Variants in ANO4 observed in about 807,000 individuals in gnomAD.
The protein encoded by ANO4 is anoctamin-4.
Under a neutral mutation model 141.9 loss-of-function variants are expected in ANO4, and 69 were observed. The ratio of observed to expected loss-of-function variants is 0.49; its 90% CI spans 0.40 to 0.59. The LOEUF is 0.59. ANO4 is among the 20% of genes least tolerant of loss of function. ANO4 has a pLI of 0.00. For synonymous variants in ANO4, 350 were observed against 394.3 expected (o/e 0.89, Z 1.33); for missense variants, 894 against 1,162.2 (o/e 0.77, Z 3.36).
At chr12:100,753,707 A>G (rs1241717722) in intron 3 of ANO4, among the ~76,000 whole-genome samples, 1 of 152,210 alleles carries the variant, frequency 6.6e-6, no homozygotes, top group Non-Finnish European at 1.5e-5. Flanking sequence ...TTATAGCATT[A>G]TACTATAGTA....
chr12:101,094,062 G>A (rs1036204527), intron 17 of ANO4, among the ~76,000 whole-genome samples, 194 bp from the exon 18 acceptor site: 11 of 152,040 alleles, frequency 7.2e-5, no homozygotes, highest in African/African-American at 2.4e-4. Context: ...TTCTTGCCCT[G>A]AAAATTACGC....
At chr12:100,850,301 TAGG>T (rs1198046480) in intron 1 of ANO4, among the ~76,000 whole-genome samples, 2 of 152,328 alleles carry the variant, frequency 1.3e-5, no homozygotes, top group Non-Finnish European at 2.9e-5. Context: ...AAAGAAGGTC[TAGG>T]AGGACATGGT....
intron 14 of ANO4, among the ~76,000 whole-genome samples, chr12:101,066,486 T>C (rs2048593552): frequency 6.6e-6 from 1 of 152,098 alleles, no homozygotes; most frequent in Admixed American, 6.6e-5. Context: ...GAAAAAGAAG[T>C]CAAGAAAGTA....
Position 100,901,901 on chromosome 12 carries a change from T to A in ANO4, c.55+61T>A. 9 of 1,409,790 alleles carry A rather than the reference T, an allele frequency of 6.4e-6. 1 individual carries two copies. The highest frequency in any genetic ancestry group is 9.6e-7 in the Non-Finnish European group (1 of 1,038,730). The allele number at this position is 1,409,790 out of a possible 1,614,324, so 87.3% of individuals were successfully genotyped here. A position where few individuals can be genotyped will look rare whatever the true frequency, so the allele number is the denominator to read the frequency against. On this transcript the variant is annotated intron_variant, in intron 2 of 27. Coordinates refer to ENST00000392977, the MANE Select transcript of ANO4 (RefSeq NM_001286615.2). Reference sequence around the variant, plus strand: ...AGTAGCAACCTGACCACAGTCTGCATTATATTTTTATTGTGTAAATATGCC... The same window carrying A: ...AGTAGCAACCTGACCACAGTCTGCAATATATTTTTATTGTGTAAATATGCC...
intron 7 of ANO4, among the ~76,000 whole-genome samples, chr12:100,981,734 A>G (rs575931134): frequency 6.6e-6 from 1 of 152,114 alleles, no homozygotes; most frequent in Non-Finnish European, 1.5e-5. Context: ...CCTTTCTTCT[A>G]CTTCCTCAGG....
At chr12:101,079,310 C>A in intron 15 of ANO4, 35 bp downstream of exon 15, 2 of 1,553,408 alleles carry the variant, frequency 1.3e-6, no homozygotes, top group Non-Finnish European at 1.8e-6. Flanking sequence ...TTGTAAAAAG[C>A]AAATCACCCA....
intron 1 of ANO4, among the ~76,000 whole-genome samples, chr12:100,820,355 CA>C (rs10713790): frequency 0.32 from 44,753 of 141,034 alleles, 6,906 homozygotes; most frequent in East Asian, 0.4. Context: ...GTCGGTTTCT[CA>C]AAAAAAAAAA....
intron 8 of ANO4, among the ~76,000 whole-genome samples, chr12:100,989,237 A>G (rs553408884): frequency 1.3e-5 from 2 of 152,318 alleles, no homozygotes; most frequent in South Asian, 4.1e-4. Context: ...TCGATCCTCA[A>G]GAGAAAGTGG....
intron 1 of ANO4, among the ~76,000 whole-genome samples, chr12:100,846,831 A>G (rs2037587384): frequency 6.6e-6 from 1 of 152,086 alleles, no homozygotes; most frequent in South Asian, 2.1e-4. Context: ...ACCATGTTTT[A>G]TCTCGTTTCT....
chr12:101,026,877 C>A (rs2046759380), intron 9 of ANO4, among the ~76,000 whole-genome samples: 1 of 152,018 alleles, frequency 6.6e-6, no homozygotes, highest in Non-Finnish European at 1.5e-5. Flanking sequence ...AAATGGATAA[C>A]CTAGACTTCA....
chr12:100,729,114 T>G (rs1325037824), intron 1 of ANO4, among the ~76,000 whole-genome samples: 1 of 152,080 alleles, frequency 6.6e-6, no homozygotes, highest in Non-Finnish European at 1.5e-5. Context: ...TTGTTGAAAT[T>G]TTTATAAGTG....
At chr12:101,072,920 A>G (rs1031629000) in intron 14 of ANO4, among the ~76,000 whole-genome samples, 1 of 152,216 alleles carries the variant, frequency 6.6e-6, no homozygotes, top group African/African-American at 2.4e-5. Context: ...TGATCATTAA[A>G]AAGTCAGGAA....
intron 3 of ANO4, among the ~76,000 whole-genome samples, chr12:100,755,037 G>A (rs1032022186): frequency 2.0e-5 from 3 of 152,116 alleles, no homozygotes; most frequent in African/African-American, 7.2e-5. Flanking sequence ...TAAATTTGAT[G>A]TTATGTGCAT....
intron 8 of ANO4, among the ~76,000 whole-genome samples, chr12:101,010,759 C>T (rs2046051943): frequency 6.6e-6 from 1 of 152,162 alleles, no homozygotes; most frequent in Non-Finnish European, 1.5e-5. Context: ...ATTTTTAAGG[C>T]ATTAACCTTC....
intron 3 of ANO4, among the ~76,000 whole-genome samples, chr12:100,937,179 G>C (rs1401187597): frequency 1.3e-5 from 2 of 152,140 alleles, no homozygotes; most frequent in Admixed American, 6.5e-5. Context: ...ACCATCTTCA[G>C]GTCATCATTC....
intron 1 of ANO4, among the ~76,000 whole-genome samples, chr12:100,823,895 A>G (rs535723333): frequency 6.6e-6 from 1 of 152,194 alleles, no homozygotes; most frequent in East Asian, 1.9e-4. Flanking sequence ...AAAAACACAT[A>G]CTGTATTAGA....
chr12:100,777,258 A>G (rs1179761405), intron 3 of ANO4, among the ~76,000 whole-genome samples: 1 of 141,848 alleles, frequency 7.0e-6, no homozygotes, highest in African/African-American at 2.6e-5. Flanking sequence ...AAGTCCAGCT[A>G]ATTTTTGTAT....
chr12:100,768,221 G>A (rs57289343), intron 3 of ANO4, among the ~76,000 whole-genome samples: 3,944 of 152,318 alleles, frequency 0.026, 162 homozygotes, highest in African/African-American at 0.09. Flanking sequence ...GCTAGGGTCC[G>A]TAGCCAAGTT....
chr12:100,774,467 A>G (rs2033412589), intron 3 of ANO4, among the ~76,000 whole-genome samples: 1 of 152,230 alleles, frequency 6.6e-6, no homozygotes, highest in African/African-American at 2.4e-5. Flanking sequence ...TTGAGATTAT[A>G]TCCCTGGAGA....
Sources: gnomAD v4.1 joint callset for allele counts (sites outside exome capture counted in the v4.1 genomes callset) on GRCh38, gnomAD v4.1.1 for gene constraint, MANE v1.5 for transcripts, NCBI Gene and HGNC (gene_info 2026-07-23, HGNC 2026-07-21) for gene names.